The following TTLL8 variants were observed in gnomAD, a reference collection of about 807,000 sequenced individuals.
TTLL8 encodes protein monoglycylase TTLL8.
A neutral mutation model predicts 77.8 loss-of-function variants in TTLL8; 65 were observed. That is an observed-to-expected ratio of 0.84 (90% CI 0.68 to 1.03). TTLL8 has a LOEUF of 1.03. Ranked by LOEUF, TTLL8 falls within the 50% of genes least tolerant of loss-of-function variation. TTLL8 has a pLI of 0.00. For missense variants in TTLL8, 910 were observed against 1,004.5 expected (o/e 0.91, Z 1.27); for synonymous variants, 402 against 422.8 (o/e 0.95, Z 0.60).
chr22:50,032,107 G>A (rs1466716512), exon 11 of TTLL8: 5 of 1,357,102 alleles, frequency 3.7e-6, no homozygotes, highest in Non-Finnish European at 4.9e-6. Flanking sequence ...CAGGTGGATG[G>A]CGCTGCAGGG....
At chr22:50,047,120 C>G (rs751680229) in intron 4 of TTLL8, 48 bp downstream of exon 6, 1 of 1,360,930 alleles carries the variant, frequency 7.3e-7, no homozygotes, top group African/African-American at 1.5e-5. Flanking sequence ...GAAGCTCCTC[C>G]CCACCACCCT....
upstream of TTLL8, chr22:50,055,057 C>G: frequency 3.7e-6 from 3 of 815,380 alleles, no homozygotes; most frequent in Non-Finnish European, 4.4e-6. Flanking sequence ...AAGACTTCAT[C>G]TCAAAAATAA....
rs2061224988 is a variant in TTLL8, at chr22:50,025,295, A to T, written c.2203+5135T>A. Among the ~76,000 whole-genome samples, 4 of 147,116 alleles carry T rather than the reference A, an allele frequency of 2.7e-5. No individual in the cohort carries two copies. In the South Asian group the frequency reaches 8.9e-4, roughly 33 times the overall value. ...GCAAAAACTCCAAAAAAAAAAAAAA[A>T]GGCATCACTAAGAAAGCAAAAAGGC... On this transcript the variant is annotated intron_variant, in intron 12 of 13. Transcript: ENST00000266182.
chr22:50,046,001 G>A (rs758893203), intron 4 of TTLL8, 31 bp from the exon 7 acceptor site: 1 of 1,320,350 alleles, frequency 7.6e-7, no homozygotes, highest in Non-Finnish European at 1.0e-6. Flanking sequence ...TAGGCAGGAG[G>A]GGCAGCTCAG....
At position 50,048,426 on chromosome 22, in the gene TTLL8, C is replaced by T. The variant is rs141017769; in HGVS notation, c.264+823G>A. ...AAAGAGGCCCCAGAAAAACCCTCGC[C>T]CCTGGGTGAGGACGCAGAGAGAAGC... is the stretch of plus-strand genomic sequence containing the variant. On this transcript the variant is annotated intron_variant, in intron 3 of 13. Transcript: ENST00000266182. 4.6e-5 allele frequency among the ~76,000 whole-genome samples: 7 copies of T among 152,196 alleles called. No homozygotes were observed. The East Asian group carries it at 9.7e-4, about 21-fold the overall frequency.
chr22:50,052,542 T>C (rs979604022), intron 1 of TTLL8, among the ~76,000 whole-genome samples: 1 of 152,168 alleles, frequency 6.6e-6, no homozygotes, highest in Non-Finnish European at 1.5e-5. Context: ...GGTTTAATTA[T>C]AGATAAATAC....
At chr22:50,045,226 T>TG (rs1438980025) in intron 6 of TTLL8, 29 bp downstream of exon 8, 2 of 1,342,406 alleles carry the variant, frequency 1.5e-6, no homozygotes, top group African/African-American at 3.0e-5. Context: ...TCTGGTGGCC[T>TG]GGCACTGCCC....
chr22:50,019,337 G>A (rs2061182204), intron 12 of TTLL8, among the ~76,000 whole-genome samples: 1 of 152,210 alleles, frequency 6.6e-6, no homozygotes, highest in African/African-American at 2.4e-5. Context: ...AAATCAAATG[G>A]TAGGTACTGT....
At chr22:50,029,736 A>G (rs993124813) in intron 12 of TTLL8, among the ~76,000 whole-genome samples, 1 of 151,780 alleles carries the variant, frequency 6.6e-6, no homozygotes, top group Admixed American at 6.6e-5. Context: ...GTCTCAAAAA[A>G]ACAAAAAAAA....
chr22:50,038,629 T>G (rs758486653), intron 8 of TTLL8, among the ~76,000 whole-genome samples: 9 of 152,112 alleles, frequency 5.9e-5, no homozygotes, highest in Non-Finnish European at 1.3e-4. Context: ...CTGGGCAACA[T>G]AGCAAGACCC....
At chr22:50,052,000 A>G (rs2061446065) in intron 1 of TTLL8, among the ~76,000 whole-genome samples, 1 of 152,136 alleles carries the variant, frequency 6.6e-6, no homozygotes, top group Non-Finnish European at 1.5e-5. Flanking sequence ...TGTAGCTGGG[A>G]ACCCTGAGTC....
intron 12 of TTLL8, among the ~76,000 whole-genome samples, chr22:50,020,962 G>C (rs1461010138): frequency 7.1e-6 from 1 of 141,490 alleles, no homozygotes; most frequent in Non-Finnish European, 1.5e-5. Flanking sequence ...TCCTCCATCT[G>C]ACATGCACTC....
At chr22:50,030,092 C>T (rs2146642479) in intron 12 of TTLL8, 1 of 867,132 alleles carries the variant, frequency 1.2e-6, no homozygotes, top group Non-Finnish European at 1.4e-6. Context: ...CTGTTCACGG[C>T]GCTGTTCAAG....
At chr22:50,051,647 C>T (rs2061444241) in intron 1 of TTLL8, among the ~76,000 whole-genome samples, 1 of 152,156 alleles carries the variant, frequency 6.6e-6, no homozygotes, top group Admixed American at 6.5e-5. Flanking sequence ...GTTTATATTC[C>T]CACCAGCAGC....
At chr22:50,056,477 G>T (rs1325128146), upstream of TTLL8, among the ~76,000 whole-genome samples, 2 of 152,180 alleles carry the variant, frequency 1.3e-5, no homozygotes, top group East Asian at 3.9e-4. The surrounding 1 kb of genome is among the most constrained non-coding windows in gnomAD (Gnocchi z 4.1). Flanking sequence ...GTATGCGCCT[G>T]CCATGTAACC....
At chr22:50,029,890 C>T (rs1430698939) in intron 12 of TTLL8, among the ~76,000 whole-genome samples, 1 of 152,110 alleles carries the variant, frequency 6.6e-6, no homozygotes, top group Non-Finnish European at 1.5e-5. Context: ...ACGTCCTTCT[C>T]CGCGACTCTG....
At chr22:50,054,062 A>G (rs994997692) in intron 1 of TTLL8, among the ~76,000 whole-genome samples, 2 of 151,972 alleles carry the variant, frequency 1.3e-5, no homozygotes, top group Non-Finnish European at 2.9e-5. Flanking sequence ...CCATAACCTC[A>G]CCATGCCGTG....
intron 5 of TTLL8, 112 bp from the exon 8 acceptor site, chr22:50,045,501 C>A: frequency 1.1e-6 from 1 of 934,988 alleles, no homozygotes; most frequent in Non-Finnish European, 1.5e-6. Flanking sequence ...CCCTCATAGC[C>A]GATGGGGCCC....
In TTLL8 at chr22:50,034,609, G is replaced by T; in HGVS notation, c.922-147C>A. The T allele has an allele frequency of 1.2e-6, 1 of 803,838 alleles. No individual in the cohort carries two copies. Among genetic ancestry groups the T allele is most frequent in the Non-Finnish European group, 1.7e-6 (1 of 580,622 alleles). 49.8% of individuals were successfully genotyped at this position (803,838 alleles called of 1,614,324 possible). On this transcript the variant is annotated intron_variant, in intron 8 of 13. Coordinates refer to ENST00000266182, the Ensembl canonical transcript of TTLL8. This position sits in a 1 kb window ranked among gnomAD's most constrained non-coding sequence, Gnocchi z 4.1. ...TAGGATGGTCTGGGGCTGGCCTGGC[G>T]GGAAAGGGCTGCGGGTCGGCCCAGG...
Sources: allele counts gnomAD v4.1 joint callset (sites outside exome capture counted in the v4.1 genomes callset), GRCh38; gene constraint gnomAD v4.1.1; non-coding constraint Gnocchi (gnomAD v3.1); transcripts MANE v1.5; gene names NCBI Gene and HGNC (gene_info 2026-07-23, HGNC 2026-07-21).